Variants in EXD1 observed in about 807,000 individuals in gnomAD.
EXD1 encodes the protein piRNA biogenesis protein EXD1.
EXD1 carries 63 observed loss-of-function variants against 49.1 expected under a neutral mutation model. The observed-to-expected ratio is 1.28, with a 90% CI of 1.05 to 1.58. EXD1 has a LOEUF of 1.58. Among genes scored for constraint, EXD1 ranks in the 40% most tolerant of loss-of-function variants. The probability of loss-of-function intolerance (pLI) is 0.00; values close to 1 mark genes in which losing one functional copy is unlikely to be tolerated. For synonymous variants in EXD1, 234 were observed against 239.2 expected, an observed-to-expected ratio of 0.98 and a Z score of 0.20; for missense variants, 748 against 666.0, an observed-to-expected ratio of 1.12 and a Z score of -1.36.
chr15:41,208,675 C>T (rs2046873128), intron 7 of EXD1, among the ~76,000 whole-genome samples: 1 of 151,934 alleles, frequency 6.6e-6, no homozygotes, highest in African/African-American at 2.4e-5. Context: ...CCGCTTGAAC[C>T]CAGGAGGCGG....
chr15:41,222,078 C>T (rs1022054471), intron 2 of EXD1, among the ~76,000 whole-genome samples: 10 of 151,316 alleles, frequency 6.6e-5, no homozygotes, highest in African/African-American at 2.2e-4. Context: ...CCAGACTGGG[C>T]GACAGAGTGA....
At chr15:41,208,725 T>C (rs1186164952) in intron 7 of EXD1, among the ~76,000 whole-genome samples, 1 of 152,034 alleles carries the variant, frequency 6.6e-6, no homozygotes, top group East Asian at 1.9e-4. Flanking sequence ...CACCCCAGCC[T>C]GGTGACAGAG....
chr15:41,221,545 GA>G (rs1304554760), intron 2 of EXD1, among the ~76,000 whole-genome samples: 6 of 152,008 alleles, frequency 3.9e-5, no homozygotes, highest in Middle Eastern at 3.4e-3. Context: ...AAAGTCGTGG[GA>G]TTACAGGTGT....
intron 2 of EXD1, among the ~76,000 whole-genome samples, chr15:41,224,928 A>T (rs1188381576): frequency 6.6e-6 from 1 of 152,084 alleles, no homozygotes; most frequent in Non-Finnish European, 1.5e-5. Context: ...ACACCATACC[A>T]TTGCAATCCA....
intron 7 of EXD1, among the ~76,000 whole-genome samples, chr15:41,196,927 G>A (rs2046623405): frequency 6.6e-6 from 1 of 152,008 alleles, no homozygotes. Flanking sequence ...CCAGGCTCTT[G>A]TGATTCTCCC....
chr15:41,228,948 T>G (rs2047198395), intron 1 of EXD1, among the ~76,000 whole-genome samples: 1 of 152,128 alleles, frequency 6.6e-6, no homozygotes, highest in African/African-American at 2.4e-5. Context: ...TGGAGACAGC[T>G]GCAAACACTA....
Position 41,191,430 on chromosome 15 carries a change from C to T in EXD1, c.864+12G>A. On this transcript the variant is annotated intron_variant, in intron 10 of 11. Transcript: ENST00000458580. ...AAAAAATAATGTCATACAGGACATC[C>T]TTTACACCCACCTGAATTAGTTTTT... 1 of 1,449,590 alleles carries T rather than the reference C, an allele frequency of 6.9e-7. No individual in the cohort carries two copies. The allele number at this position is 1,449,590 out of a possible 1,614,324, so 89.8% of individuals were successfully genotyped here.
intron 7 of EXD1, among the ~76,000 whole-genome samples, chr15:41,205,524 T>G (rs1167951906): frequency 1.3e-5 from 2 of 152,158 alleles, no homozygotes; most frequent in Non-Finnish European, 2.9e-5. Context: ...ATGCCTGTAA[T>G]CCCAGCAATT....
chr15:41,199,812 C>T (rs1186833664), intron 7 of EXD1, among the ~76,000 whole-genome samples: 5 of 6,146 alleles, frequency 8.1e-4, no homozygotes, highest in South Asian at 0.031. Flanking sequence ...TTATATATGT[C>T]ATATATAGAT....
intron 7 of EXD1, among the ~76,000 whole-genome samples, chr15:41,199,903 T>C (rs28841656): frequency 3.4e-5 from 5 of 145,640 alleles, no homozygotes; most frequent in African/African-American, 1.3e-4. Flanking sequence ...ATATAATATA[T>C]ATACAGATAT....
At chr15:41,185,315 C>T (rs1179923350) in intron 11 of EXD1, among the ~76,000 whole-genome samples, 1 of 151,822 alleles carries the variant, frequency 6.6e-6, no homozygotes. Context: ...ATTTTGTTAT[C>T]TCTTTCAGGT....
chr15:41,197,234 T>C (rs2046628629), intron 7 of EXD1, among the ~76,000 whole-genome samples: 1 of 150,698 alleles, frequency 6.6e-6, no homozygotes. Flanking sequence ...TTTTTCTTTT[T>C]TTTTTTTTTT....
chr15:41,208,047 A>C (rs1437101621), intron 7 of EXD1, among the ~76,000 whole-genome samples: 1 of 151,814 alleles, frequency 6.6e-6, no homozygotes, highest in Non-Finnish European at 1.5e-5. Flanking sequence ...AACAAAAAGA[A>C]AGGACAGCTG....
chr15:41,195,212 C>T (rs556827326), intron 9 of EXD1, among the ~76,000 whole-genome samples: 3 of 149,882 alleles, frequency 2.0e-5, no homozygotes, highest in African/African-American at 7.3e-5. Flanking sequence ...CACAGTAAGA[C>T]TCCACTTCTA....
chr15:41,199,750 TATATGATA>T (rs2046688405), intron 7 of EXD1, among the ~76,000 whole-genome samples: 1 of 30,100 alleles, frequency 3.3e-5, no homozygotes, highest in Non-Finnish European at 6.6e-5. Context: ...TCATATATTA[TATATGATA>T]CATATATGAT....
At chr15:41,194,530 T>G (rs2046580716) in intron 9 of EXD1, among the ~76,000 whole-genome samples, 1 of 152,192 alleles carries the variant, frequency 6.6e-6, no homozygotes, top group African/African-American at 2.4e-5. Flanking sequence ...CAAGACACCT[T>G]GACTTTAGCC....
intron 11 of EXD1, among the ~76,000 whole-genome samples, chr15:41,187,728 T>C (rs1450518450): frequency 6.6e-6 from 1 of 152,010 alleles, no homozygotes; most frequent in Non-Finnish European, 1.5e-5. Flanking sequence ...AAAATGCTAG[T>C]ATTAGGCCGG....
At chr15:41,202,722 C>A (rs1387275468) in intron 7 of EXD1, among the ~76,000 whole-genome samples, 1 of 152,094 alleles carries the variant, frequency 6.6e-6, no homozygotes, top group Non-Finnish European at 1.5e-5. Context: ...CCACTTCAGC[C>A]TCCCAAAGTA....
At chr15:41,229,724 C>T (rs907791509) in intron 1 of EXD1, among the ~76,000 whole-genome samples, 1 of 152,058 alleles carries the variant, frequency 6.6e-6, no homozygotes, top group African/African-American at 2.4e-5. Flanking sequence ...GCTGAGATGG[C>T]GCCTTTGCAC....
Sources: gnomAD v4.1 joint callset for allele counts (sites outside exome capture counted in the v4.1 genomes callset) on GRCh38, gnomAD v4.1.1 for gene constraint, MANE v1.5 for transcripts, NCBI Gene and HGNC (gene_info 2026-07-23, HGNC 2026-07-21) for gene names.